Variants in C8orf34 observed in about 807,000 individuals in gnomAD.
C8orf34 encodes uncharacterized protein C8orf34.
C8orf34 carries 65 observed loss-of-function variants against 68.3 expected under a neutral mutation model. That is an observed-to-expected ratio of 0.95 (90% CI 0.78 to 1.17). The LOEUF (loss-of-function observed/expected upper bound fraction) is 1.17, where lower values mean the gene tolerates loss of function less well. C8orf34 is among the 50% of genes most tolerant of loss of function. The pLI is 0.00. For synonymous variants in C8orf34, 244 were observed against 241.2 expected, an observed-to-expected ratio of 1.01 and a Z score of -0.11; for missense variants, 664 against 655.4, an observed-to-expected ratio of 1.01 and a Z score of -0.14.
At chr8:68,357,087 G>C (rs1806781665) in intron 1 of C8orf34, among the ~76,000 whole-genome samples, 1 of 151,902 alleles carries the variant, frequency 6.6e-6, no homozygotes, top group Non-Finnish European at 1.5e-5. Context: ...AGAAAAGTTG[G>C]AATTGTTTTG....
chr8:68,352,027 C>CA (rs1396747146), intron 1 of C8orf34, among the ~76,000 whole-genome samples: 1 of 151,996 alleles, frequency 6.6e-6, no homozygotes, highest in Admixed American at 6.6e-5. Context: ...GTCTTTGGAA[C>CA]ATTTTTGAAT....
chr8:68,365,145 G>A (rs1265622203), intron 1 of C8orf34, among the ~76,000 whole-genome samples: 1 of 140,698 alleles, frequency 7.1e-6, no homozygotes, highest in Non-Finnish European at 1.5e-5. Flanking sequence ...AGAAAATCTA[G>A]AAGAAATGGA....
intron 1 of C8orf34, among the ~76,000 whole-genome samples, chr8:68,360,791 C>T (rs545802650): frequency 4.2e-5 from 6 of 141,676 alleles, no homozygotes; most frequent in African/African-American, 1.7e-4. Context: ...CTCGCTCTGT[C>T]ACCCAGTCTG....
intron 1 of C8orf34, among the ~76,000 whole-genome samples, chr8:68,393,512 A>G (rs903280984): frequency 6.6e-6 from 1 of 152,124 alleles, no homozygotes; most frequent in African/African-American, 2.4e-5. Flanking sequence ...AAACTCTGTC[A>G]CCAGGTCAGG....
chr8:68,611,523 G>C (rs1307790467), intron 7 of C8orf34, among the ~76,000 whole-genome samples: 6 of 152,106 alleles, frequency 3.9e-5, no homozygotes, highest in African/African-American at 1.4e-4. Flanking sequence ...AAGCATTCAT[G>C]TCATAGAAAT....
chr8:68,522,062 G>A lies in C8orf34; in HGVS notation c.938+91G>A, dbSNP rs146993924. The A allele has an allele frequency of 3.0e-4, 362 of 1,194,268 alleles. 1 individual carries two copies. In the African/African-American group the frequency reaches 3.8e-3, roughly 13 times the overall value. The allele number at this position is 1,194,268 out of a possible 1,614,324, so 74.0% of individuals were successfully genotyped here. A position where few individuals can be genotyped will look rare whatever the true frequency, so the allele number is the denominator to read the frequency against. ...CAAGTTCATGGTTTTTATGAAATCC[G>A]TTTTAGTAATTTTTTATAGAAAATT... On this transcript the variant is annotated intron_variant, in intron 6 of 13. Transcript: ENST00000518698.
In C8orf34 at chr8:68,748,387, G is replaced by A. The variant is rs551348898; in HGVS notation, c.1404+26950G>A. ...CAACAAAAGCCAAAATTGACAAATG[G>A]GATCTAATTAAACTAAAGAGCTTCT... On this transcript the variant is annotated intron_variant, in intron 10 of 13. Transcript: ENST00000518698. Among the ~76,000 whole-genome samples, 12 of 146,376 alleles carry A rather than the reference G, an allele frequency of 8.2e-5. No individual in the cohort carries two copies. In the South Asian group the frequency reaches 2.6e-3, roughly 32 times the overall value.
At chr8:68,598,539 C>G (rs1205697433) in intron 7 of C8orf34, among the ~76,000 whole-genome samples, 3 of 152,068 alleles carry the variant, frequency 2.0e-5, no homozygotes, top group Non-Finnish European at 2.9e-5. Flanking sequence ...AGGGTATCAA[C>G]AAACATCAAG....
intron 12 of C8orf34, among the ~76,000 whole-genome samples, chr8:68,795,285 A>G (rs1824144428): frequency 6.7e-6 from 1 of 148,714 alleles, no homozygotes; most frequent in Admixed American, 6.7e-5. Context: ...CTGGTAAGTT[A>G]ATCATCTGGA....
chr8:68,631,363 C>T (rs1818686122), intron 7 of C8orf34, among the ~76,000 whole-genome samples: 2 of 152,172 alleles, frequency 1.3e-5, no homozygotes, highest in Admixed American at 1.3e-4. Flanking sequence ...ACCTTGACCT[C>T]CGTCCAGAAG....
chr8:68,657,422 A>G (rs1357801502), intron 8 of C8orf34, among the ~76,000 whole-genome samples: 1 of 152,150 alleles, frequency 6.6e-6, no homozygotes, highest in African/African-American at 2.4e-5. Context: ...GAGGACATAC[A>G]GAAGGCACTC....
intron 5 of C8orf34, among the ~76,000 whole-genome samples, chr8:68,507,678 C>T (rs190402398): frequency 1.3e-5 from 2 of 152,300 alleles, no homozygotes; most frequent in East Asian, 1.9e-4. Context: ...TGAGCAACTT[C>T]CTCAGCTTAC....
Position 68,422,224 on chromosome 8 carries a change from G to A in C8orf34, c.328-17275G>A, listed in dbSNP as rs1449912546. ...TTCCAGCATTAACCCAAAAGTCCAA[G>A]TCCAAAGTCTCATGTGAGACAAGGC... On this transcript the variant is annotated intron_variant, in intron 1 of 13. Transcript: ENST00000518698. Among the ~76,000 whole-genome samples, 8 of 152,276 alleles carry A rather than the reference G, an allele frequency of 5.3e-5. No homozygotes were observed. In the South Asian group the frequency reaches 1.5e-3, roughly 28 times the overall value.
chr8:68,603,360 C>T (rs1817754997), intron 7 of C8orf34, among the ~76,000 whole-genome samples: 1 of 151,830 alleles, frequency 6.6e-6, no homozygotes, highest in African/African-American at 2.4e-5. Flanking sequence ...AGGTATATGC[C>T]CAAAAGAAAT....
In C8orf34 at chr8:68,397,943, C is replaced by T. The variant is rs565978060; in HGVS notation, c.328-41556C>T. On this transcript the variant is annotated intron_variant, in intron 1 of 13. Coordinates refer to ENST00000518698, the MANE Select transcript of C8orf34 (RefSeq NM_052958.4). The stretch of plus-strand genomic sequence containing the variant: ...ACCAACACACCCAGCCAATTTTTTT[C>T]TTTTCAGTAGAGACGGGGTTTTACC... Among the ~76,000 whole-genome samples, 5 of 151,842 alleles carry T rather than the reference C, an allele frequency of 3.3e-5. No individual in the cohort carries two copies. The East Asian group carries it at 9.7e-4, about 30-fold the overall frequency.
intron 1 of C8orf34, among the ~76,000 whole-genome samples, chr8:68,332,606 T>C (rs373715843): frequency 4.6e-5 from 7 of 152,100 alleles, no homozygotes; most frequent in Admixed American, 3.3e-4. Context: ...TTAATGACCC[T>C]GCAAAAAAAG....
intron 5 of C8orf34, among the ~76,000 whole-genome samples, chr8:68,499,583 GT>G (rs1251192772): frequency 2.0e-5 from 3 of 152,126 alleles, no homozygotes; most frequent in African/African-American, 7.2e-5. Context: ...ATTGGCAACC[GT>G]CATAGTAGTT....
At chr8:68,459,191 A>G (rs563799366) in intron 3 of C8orf34, among the ~76,000 whole-genome samples, 17 of 152,258 alleles carry the variant, frequency 1.1e-4, no homozygotes, top group African/African-American at 3.9e-4. Flanking sequence ...GTTAGCAAGG[A>G]TGCAGAGAAA....
intron 9 of C8orf34, among the ~76,000 whole-genome samples, chr8:68,712,468 T>C (rs1293326534): frequency 6.6e-6 from 1 of 152,040 alleles, no homozygotes; most frequent in Admixed American, 6.6e-5. Flanking sequence ...TAAGGACTCA[T>C]ATAAACTTAA....
Sources: gnomAD v4.1 joint callset for allele counts (sites outside exome capture counted in the v4.1 genomes callset) on GRCh38, gnomAD v4.1.1 for gene constraint, MANE v1.5 for transcripts, NCBI Gene and HGNC (gene_info 2026-07-23, HGNC 2026-07-21) for gene names.